Variants in NTRK2 observed in about 807,000 individuals in gnomAD.
NTRK2 encodes the protein BDNF/NT-3 growth factors receptor.
Under a neutral mutation model 94.5 loss-of-function variants are expected in NTRK2, and 13 were observed. The ratio of observed to expected loss-of-function variants is 0.14; its 90% confidence interval spans 0.09 to 0.22. The LOEUF is 0.22. NTRK2 is among the 10% of genes least tolerant of loss of function. The probability of loss-of-function intolerance (pLI) is 1.00; values close to 1 mark genes in which losing one functional copy is unlikely to be tolerated. For missense variants in NTRK2, 639 were observed against 1,071.2 expected, an observed-to-expected ratio of 0.60 and a Z score of 5.63; for synonymous variants, 372 against 407.4, an observed-to-expected ratio of 0.91 and a Z score of 1.05.
At chr9:84,926,622 T>G (rs914945617) in intron 14 of NTRK2, among the ~76,000 whole-genome samples, 1 of 152,218 alleles carries the variant, frequency 6.6e-6, no homozygotes, top group East Asian at 1.9e-4. Context: ...CACTCTGGAC[T>G]TTTCTTTCAC....
At chr9:84,853,939 G>A (rs1268815074) in intron 12 of NTRK2, among the ~76,000 whole-genome samples, 1 of 152,072 alleles carries the variant, frequency 6.6e-6, no homozygotes, top group African/African-American at 2.4e-5. Context: ...AATTAGCCAG[G>A]TGTGGTGGCA....
At chr9:84,693,217 C>T (rs933237937) in intron 2 of NTRK2, among the ~76,000 whole-genome samples, 1 of 152,222 alleles carries the variant, frequency 6.6e-6, no homozygotes, top group African/African-American at 2.4e-5. Flanking sequence ...TCTGGCTGAT[C>T]ATCAGTTGCT....
At chr9:84,755,748 T>C (rs2065033007) in intron 12 of NTRK2, among the ~76,000 whole-genome samples, 2 of 152,106 alleles carry the variant, frequency 1.3e-5, no homozygotes, top group Admixed American at 1.3e-4. Context: ...CGTTTTGGAA[T>C]ATGTTGTTTT....
intron 4 of NTRK2, 129 bp downstream of exon 4, chr9:84,702,548 T>A: frequency 1.2e-6 from 1 of 809,418 alleles, no homozygotes; most frequent in Non-Finnish European, 2.1e-6. Context: ...GATAATAGCT[T>A]AGAAACATTA....
At chr9:84,931,163 T>C (rs1357517231) in intron 14 of NTRK2, among the ~76,000 whole-genome samples, 3 of 152,112 alleles carry the variant, frequency 2.0e-5, no homozygotes, top group South Asian at 2.1e-4. Flanking sequence ...TCCCAGCACT[T>C]TGGGAGGCCA....
At chr9:84,739,343 C>T (rs561832166) in intron 9 of NTRK2, among the ~76,000 whole-genome samples, 5 of 152,312 alleles carry the variant, frequency 3.3e-5, no homozygotes, top group African/African-American at 1.2e-4. Flanking sequence ...GAGTCACCAC[C>T]CCCGGCCCTG....
intron 12 of NTRK2, among the ~76,000 whole-genome samples, chr9:84,763,723 A>C (rs2065795781): frequency 6.6e-6 from 1 of 152,232 alleles, no homozygotes; most frequent in Admixed American, 6.6e-5. Flanking sequence ...TAACCCTGTA[A>C]TAACAGATAT....
At chr9:84,696,782 C>A (rs970719490) in intron 2 of NTRK2, among the ~76,000 whole-genome samples, 1 of 152,146 alleles carries the variant, frequency 6.6e-6, no homozygotes, top group Non-Finnish European at 1.5e-5. Flanking sequence ...GTTGTGTCTA[C>A]AAATCACTCA....
intron 17 of NTRK2, 124 bp from the exon 18 acceptor site, chr9:85,020,082 G>A (rs1832651567): frequency 3.0e-6 from 3 of 989,356 alleles, no homozygotes; most frequent in Non-Finnish European, 4.9e-6. Flanking sequence ...TATCCTTTAT[G>A]TGTTTATAAA....
intron 4 of NTRK2, among the ~76,000 whole-genome samples, chr9:84,705,409 T>A (rs2060985486): frequency 6.6e-6 from 1 of 152,148 alleles, no homozygotes; most frequent in Admixed American, 6.5e-5. Flanking sequence ...GTAAGAGGAT[T>A]GTTGATTTTT....
chr9:84,784,970 A>G (rs1448439438), intron 12 of NTRK2, among the ~76,000 whole-genome samples: 1 of 152,202 alleles, frequency 6.6e-6, no homozygotes. Flanking sequence ...CTGAACATTT[A>G]TAAAGTGTTT....
chr9:84,919,192 T>C (rs2077486849), intron 14 of NTRK2, among the ~76,000 whole-genome samples: 1 of 152,192 alleles, frequency 6.6e-6, no homozygotes, highest in Non-Finnish European at 1.5e-5. Context: ...TTCAGATAAA[T>C]ACATTTTTCA....
chr9:84,897,349 A>G (rs1354225405), intron 14 of NTRK2, among the ~76,000 whole-genome samples: 1 of 152,078 alleles, frequency 6.6e-6, no homozygotes, highest in Non-Finnish European at 1.5e-5. Context: ...GTTGGCCAGG[A>G]TGGTCTCGAT....
At chr9:84,998,316 T>C (rs78435962) in intron 17 of NTRK2, among the ~76,000 whole-genome samples, 7,147 of 152,242 alleles carry the variant, frequency 0.047, 427 homozygotes, top group African/African-American at 0.14. Flanking sequence ...ACCCCCAACC[T>C]GGACTGGAGA....
At chr9:84,931,400 C>G (rs1314434428) in intron 14 of NTRK2, among the ~76,000 whole-genome samples, 3 of 142,410 alleles carry the variant, frequency 2.1e-5, no homozygotes, top group Non-Finnish European at 3.1e-5. Context: ...GAGCGAGACT[C>G]TGTCTCAAAA....
chr9:84,717,995 C>T (rs1007643974), intron 6 of NTRK2, among the ~76,000 whole-genome samples: 30 of 146,188 alleles, frequency 2.1e-4, no homozygotes, highest in African/African-American at 7.2e-4. Flanking sequence ...GAGCCTCCTT[C>T]TCCTTCTCCT....
intron 12 of NTRK2, among the ~76,000 whole-genome samples, chr9:84,781,994 T>G (rs1376631473): frequency 6.6e-6 from 1 of 151,860 alleles, no homozygotes; most frequent in Non-Finnish European, 1.5e-5. Context: ...AATAGTTGTA[T>G]AAGAGAGAAT....
chr9:84,814,711 T>G, intron 12 of NTRK2: 1 of 1,064,526 alleles, frequency 9.4e-7, no homozygotes, highest in Non-Finnish European at 1.1e-6. Flanking sequence ...CATCTTGTTT[T>G]GTCTAGACTC....
intron 11 of NTRK2, among the ~76,000 whole-genome samples, chr9:84,748,560 C>T (rs926871622): frequency 2.0e-5 from 3 of 152,176 alleles, no homozygotes; most frequent in Non-Finnish European, 4.4e-5. Context: ...ACGCAGGGAT[C>T]TAGGACTCCT....
Sources: allele counts gnomAD v4.1 joint callset (sites outside exome capture counted in the v4.1 genomes callset), GRCh38; gene constraint gnomAD v4.1.1; transcripts MANE v1.5; gene names NCBI Gene and HGNC (gene_info 2026-07-23, HGNC 2026-07-21).